The following CPNE4 variants were observed in gnomAD, a reference collection of about 807,000 sequenced individuals.
CPNE4 encodes copine 4.
CPNE4 carries 25 observed loss-of-function variants against 67.9 expected under a neutral mutation model. The ratio of observed to expected loss-of-function variants is 0.37; its 90% CI spans 0.27 to 0.51. The LOEUF (loss-of-function observed/expected upper bound fraction) is 0.51, where lower values mean the gene tolerates loss of function less well. CPNE4 is among the 20% of genes least tolerant of loss of function. The pLI is 0.93. For missense variants in CPNE4, 464 were observed against 690.8 expected, an observed-to-expected ratio of 0.67 and a Z score of 3.68; for synonymous variants, 242 against 244.9, an observed-to-expected ratio of 0.99 and a Z score of 0.11.
intron 2 of CPNE4, among the ~76,000 whole-genome samples, chr3:131,755,430 T>C (rs2082730075): frequency 6.6e-6 from 1 of 152,190 alleles, no homozygotes; most frequent in African/African-American, 2.4e-5. Flanking sequence ...CCTCCTCAGA[T>C]GTTAAAAAAA....
intron 1 of CPNE4, among the ~76,000 whole-genome samples, chr3:131,947,711 CTTTATAGTAAAATGA>C (rs1418155510): frequency 6.6e-6 from 1 of 152,128 alleles, no homozygotes; most frequent in African/African-American, 2.4e-5. Flanking sequence ...GTGCATGTAT[CTTTATAGTAAAATGA>C]TTTATAATCC....
At chr3:131,932,139 G>A in intron 1 of CPNE4, among the ~76,000 whole-genome samples, 1 of 152,146 alleles carries the variant, frequency 6.6e-6, no homozygotes, top group East Asian at 1.9e-4. Flanking sequence ...TAATAGGTTT[G>A]GACAGGAGGA....
intron 1 of CPNE4, among the ~76,000 whole-genome samples, chr3:131,939,126 T>C (rs1397322925): frequency 6.6e-6 from 1 of 152,186 alleles, no homozygotes; most frequent in Non-Finnish European, 1.5e-5. Flanking sequence ...CCAGCAATTC[T>C]ACTTCTCTAA....
chr3:131,764,759 T>A (rs117102456), intron 2 of CPNE4, among the ~76,000 whole-genome samples: 1 of 152,112 alleles, frequency 6.6e-6, no homozygotes, highest in Non-Finnish European at 1.5e-5. Flanking sequence ...ACTGAAATAT[T>A]TAATTTGTGT....
intron 2 of CPNE4, among the ~76,000 whole-genome samples, chr3:131,733,830 T>C (rs1056809498): frequency 6.6e-6 from 1 of 152,192 alleles, no homozygotes; most frequent in African/African-American, 2.4e-5. Flanking sequence ...CACCCGAGGA[T>C]GGAGAGCCTT....
intron 2 of CPNE4, among the ~76,000 whole-genome samples, chr3:131,731,286 A>G (rs2082121171): frequency 6.6e-6 from 1 of 152,212 alleles, no homozygotes; most frequent in Non-Finnish European, 1.5e-5. Flanking sequence ...AGCAGACAGC[A>G]GGGTTGCATC....
chr3:131,744,400 G>T (rs1456505551), intron 2 of CPNE4, among the ~76,000 whole-genome samples: 3 of 152,156 alleles, frequency 2.0e-5, no homozygotes, highest in African/African-American at 7.2e-5. Flanking sequence ...GTCAGTTGTA[G>T]ATTCACATTC....
chr3:132,014,348 ATCTC>A (rs541028093), intron 1 of CPNE4, among the ~76,000 whole-genome samples: 2 of 150,184 alleles, frequency 1.3e-5, no homozygotes, highest in African/African-American at 4.9e-5. Flanking sequence ...CCCACTCCTC[ATCTC>A]TCTCTCTCCA....
chr3:131,724,880 C>T (rs2107749184), intron 2 of CPNE4, among the ~76,000 whole-genome samples: 1 of 152,262 alleles, frequency 6.6e-6, no homozygotes, highest in Non-Finnish European at 1.5e-5. Flanking sequence ...AGGCTCTTTT[C>T]CTACATACTT....
At chr3:131,834,647 TTAAAGGTAAAACAAA>T (rs1353775608) in intron 2 of CPNE4, among the ~76,000 whole-genome samples, 2 of 152,068 alleles carry the variant, frequency 1.3e-5, no homozygotes, top group Admixed American at 1.3e-4. Flanking sequence ...AGATTATGAT[TTAAAGGTAAAACAAA>T]TACATAAAAC....
At chr3:132,016,015 A>T (rs1296791391) in intron 1 of CPNE4, among the ~76,000 whole-genome samples, 1 of 152,258 alleles carries the variant, frequency 6.6e-6, no homozygotes, top group Non-Finnish European at 1.5e-5. Flanking sequence ...CCAAAAACAC[A>T]GGTGAAATAA....
chr3:131,650,703 C>T (rs1224410989), intron 7 of CPNE4, among the ~76,000 whole-genome samples: 1 of 136,228 alleles, frequency 7.3e-6, no homozygotes, highest in Admixed American at 8.0e-5. Context: ...CGAGATCGCG[C>T]CACTGCACTC....
At chr3:131,801,458 A>ATATATATATATATATG (rs2084126138) in intron 2 of CPNE4, among the ~76,000 whole-genome samples, 1 of 95,624 alleles carries the variant, frequency 1.0e-5, no homozygotes, top group Non-Finnish European at 2.3e-5. Context: ...GTGTGTATAT[A>ATATATATATATATATG]TATATATATA....
intron 1 of CPNE4, among the ~76,000 whole-genome samples, chr3:131,929,418 A>G (rs762009084): frequency 1.3e-5 from 2 of 152,030 alleles, no homozygotes; most frequent in Non-Finnish European, 2.9e-5. Context: ...CACCCTTCTT[A>G]TTCCTTCTTG....
chr3:131,565,819 A>AG lies in CPNE4; in HGVS notation c.928-1471_928-1470insC, dbSNP rs1491098156. Among the ~76,000 whole-genome samples the AG allele has an allele frequency of 8.1e-4, 53 of 65,042 alleles. No homozygotes were observed. The African/African-American group carries it at 0.012, about 15-fold the overall frequency. The allele number at this position is 65,042 out of a possible 152,430, so 42.7% of individuals were successfully genotyped here. On this transcript the variant is annotated intron_variant, in intron 10 of 15. Transcript: ENST00000429747. ...ATAAATGCTAGTACTAAGAGTATGT[A>AG]AAAAAAAAAAAAAAAAGGTTATCTG...
At chr3:131,555,861 C>T (rs1377924508) in intron 11 of CPNE4, among the ~76,000 whole-genome samples, 1 of 152,066 alleles carries the variant, frequency 6.6e-6, no homozygotes, top group South Asian at 2.1e-4. Flanking sequence ...CAACTTTCAA[C>T]TTTGTTTCCT....
intron 2 of CPNE4, among the ~76,000 whole-genome samples, chr3:131,725,807 G>A (rs2081986945): frequency 6.6e-6 from 1 of 152,086 alleles, no homozygotes; most frequent in South Asian, 2.1e-4. Context: ...TGGAATATCT[G>A]GCAACCTTGG....
chr3:131,956,019 T>C (rs947331767), intron 1 of CPNE4, among the ~76,000 whole-genome samples: 1 of 152,008 alleles, frequency 6.6e-6, no homozygotes. Context: ...TGGTGACAGA[T>C]AGATAGATAG....
chr3:131,997,601 G>A (rs923553944), intron 1 of CPNE4, among the ~76,000 whole-genome samples: 2 of 152,084 alleles, frequency 1.3e-5, no homozygotes, highest in African/African-American at 4.8e-5. Context: ...CGAATCCATT[G>A]GTAGTATTAA....
Sources: allele counts gnomAD v4.1 joint callset (sites outside exome capture counted in the v4.1 genomes callset), GRCh38; gene constraint gnomAD v4.1.1; transcripts MANE v1.5; gene names NCBI Gene and HGNC (gene_info 2026-07-23, HGNC 2026-07-21).